TUBA3E: variants seen among roughly 807,000 people sequenced by gnomAD.
TUBA3E encodes tubulin alpha-3E chain.
A neutral mutation model predicts 36.7 loss-of-function variants in TUBA3E; 21 were observed. The observed-to-expected ratio is 0.57, with a 90% confidence interval of 0.41 to 0.83. The LOEUF (loss-of-function observed/expected upper bound fraction) is 0.83, where lower values mean the gene tolerates loss of function less well. Ranked by LOEUF, TUBA3E falls within the 40% of genes least tolerant of loss-of-function variation. The pLI, the probability that TUBA3E is intolerant of heterozygous loss-of-function variation, is 0.00. For missense variants in TUBA3E, 469 were observed against 604.2 expected (o/e 0.78, Z 2.35); for synonymous variants, 177 against 241.9 (o/e 0.73, Z 2.49).
intron 4 of TUBA3E, among the ~76,000 whole-genome samples, chr2:130,193,060 T>G (rs1244017092): frequency 6.7e-6 from 1 of 148,344 alleles, no homozygotes; most frequent in African/African-American, 2.5e-5. Context: ...GCCACTGCAT[T>G]CCAACCTGGA....
At chr2:130,196,558 A>G (rs1186769581) in intron 1 of TUBA3E, among the ~76,000 whole-genome samples, 187 bp from the exon 2 acceptor site, 1 of 152,218 alleles carries the variant, frequency 6.6e-6, no homozygotes, top group Non-Finnish European at 1.5e-5. Context: ...TGTAAACCAT[A>G]CTAGCTAGTA....
rs1690281864 is a variant in TUBA3E, at chr2:130,192,220, T to C, written c.1057-93A>G. On this transcript the variant is annotated intron_variant, in intron 4 of 4. Transcript: ENST00000312988. ...CCTCAAACAGAAGACACCCTGTAGG[T>C]GACACGGAGAATGCTCAGTTCACCT... is the stretch of plus-strand genomic sequence containing the variant. The C allele has an allele frequency of 2.0e-6, 3 of 1,512,204 alleles. No homozygotes were observed. The East Asian group carries it at 6.8e-5, about 35-fold the overall frequency. The allele number at this position is 1,512,204 out of a possible 1,614,324, so 93.7% of individuals were successfully genotyped here.
intron 1 of TUBA3E, among the ~76,000 whole-genome samples, chr2:130,197,323 T>C (rs1690432442): frequency 6.7e-6 from 1 of 148,214 alleles, no homozygotes; most frequent in Admixed American, 6.9e-5. Context: ...CCTGTCCCTA[T>C]GAAAAATTTA....
rs1453668600 is a variant in TUBA3E at position 130,194,468 on chromosome 2, T to G, written c.376-2A>C. ...CTGCAGTCCTGTGCACAGATCCGCC[T>G]GAGAGAAACCAGACAACGTGAGCCA... On this transcript the variant is annotated splice_acceptor_variant, in intron 3 of 4. Transcript: ENST00000312988. LOFTEE classifies it high-confidence loss of function. The G allele has an allele frequency of 6.5e-7, 1 of 1,536,512 alleles. No individual in the cohort carries two copies. The highest frequency in any genetic ancestry group is 1.3e-5 in the South Asian group (1 of 79,192).
intron 4 of TUBA3E, 146 bp downstream of exon 4, chr2:130,193,640 A>G (rs369958484): frequency 2.1e-5 from 21 of 1,000,756 alleles, no homozygotes; most frequent in Admixed American, 8.8e-5. Flanking sequence ...CACTGAATCA[A>G]TTATCAACTC....
rs749780020 is a variant in TUBA3E at position 130,194,054 on chromosome 2, G to T, written c.788C>A (p.Pro263His). 39 of 1,614,214 alleles carry T rather than the reference G, an allele frequency of 2.4e-5. No individual in the cohort carries two copies. The East Asian group carries it at 6.5e-4, about 27-fold the overall frequency. ...GGTGGCCAGGGGGAAGTGGATGCGG[G>T]GGTACGGCACGAGGTTGGTCTGGAA... is the stretch of plus-strand genomic sequence containing the variant. ...TEFQTNLVPY[P>H]RIHFPLATYA... The change falls in exon 4 of 5, where the codon CCC (proline) becomes CAC (histidine). Residue 263 changes from proline to histidine, a missense_variant. Pro to His is a moderately conservative substitution (Grantham distance 77, BLOSUM62 -2). This residue lies in a region of TUBA3E where 296 missense variants were observed against 346.9 expected (regional missense o/e 0.85). Coordinates refer to ENST00000312988, the MANE Select transcript of TUBA3E (RefSeq NM_207312.3).
chr2:130,191,842 C>T lies in TUBA3E; in HGVS notation c.1342G>A (p.Glu448Lys), dbSNP rs751375325. The T allele has an allele frequency of 9.6e-5, 153 of 1,601,328 alleles. No homozygotes were observed. The East Asian group carries it at 3.1e-3, about 33-fold the overall frequency. Reference protein sequence around the residue: ...DSVEAEAEEGEAY With the variant: ...DSVEAEAEEGKAY ...ACCACACCCTCCCCTCAGTATGCTT[C>T]GCCTTCTTCAGCCTCAGCTTCCACG... Residue 448 changes from glutamate to lysine, a missense_variant, in exon 5 of 5, where the codon GAA becomes AAA. Glu to Lys is a moderately conservative substitution (Grantham distance 56). Transcript: ENST00000312988.
intron 4 of TUBA3E, 109 bp downstream of exon 4, chr2:130,193,677 C>CT: frequency 7.1e-7 from 1 of 1,404,222 alleles, no homozygotes; most frequent in South Asian, 1.4e-5. Flanking sequence ...GCCCACATGC[C>CT]TAGCCCATGG....
chr2:130,196,355 A>C lies in TUBA3E; in HGVS notation c.20T>G (p.Ile7Ser), dbSNP rs1232195782. 1 of 1,613,670 alleles carries C rather than the reference A, an allele frequency of 6.2e-7. No individual in the cohort carries two copies. Among genetic ancestry groups the C allele is most frequent in the Non-Finnish European group, 8.5e-7 (1 of 1,179,786 alleles). Residue 7 changes from isoleucine to serine, a missense_variant, in exon 2 of 5, where the codon ATC becomes AGC. Ile to Ser is a moderately radical substitution (Grantham distance 142, BLOSUM62 -2). Around this residue, in one of 3 missense-constraint regions of TUBA3E, gnomAD observed 169 missense variants for 239.0 expected, o/e 0.71. Coordinates refer to ENST00000312988, the MANE Select transcript of TUBA3E (RefSeq NM_207312.3). MRECISIHVGQAGVQIG... is the reference protein window; with the variant it reads MRECISSHVGQAGVQIG... ...CTGGACACCCGCCTGCCCCACGTGG[A>C]TAGAGATACACTCGCGCTGTGAACC...
rs200458018 is a variant in TUBA3E, at chr2:130,197,504, A to G, written c.3+854T>C. ...TTGAGTGCTGTCTCAAAAAAAAAAA[A>G]AAAAGAAAAGAAAAGAAAAAAGAAA... On this transcript the variant is annotated intron_variant, in intron 1 of 4. Transcript: ENST00000312988. Among the ~76,000 whole-genome samples, 12 of 110,048 alleles carry G rather than the reference A, an allele frequency of 1.1e-4. 2 individuals are homozygous for G. The East Asian group carries it at 1.3e-3, about 12-fold the overall frequency. 72.2% of individuals were successfully genotyped at this position (110,048 alleles called of 152,430 possible).
In TUBA3E at chr2:130,194,175, T is replaced by C. The variant is rs1690346542; in HGVS notation, c.667A>G (p.Thr223Ala). Residue 223 changes from threonine (T) to alanine (A), a missense_variant, in exon 4 of 5, where the codon ACG becomes GCG. Thr to Ala is a moderately conservative substitution (Grantham distance 58). Coordinates refer to ENST00000312988, the MANE Select transcript of TUBA3E (RefSeq NM_207312.3). ...ATCAGGCGATTGAGGTTGGTGTACG[T>C]GGGACGTTCAATGTCCAGGTTGCGC... is the stretch of plus-strand genomic sequence containing the variant. ...CRRNLDIERP[T>A]YTNLNRLIGQ... The C allele has an allele frequency of 6.2e-7, 1 of 1,613,540 alleles. No homozygotes were observed. Among genetic ancestry groups the C allele is most frequent in the South Asian group, 1.1e-5 (1 of 91,032 alleles).
In TUBA3E at chr2:130,195,128, G is replaced by C. The variant is rs192490751; in HGVS notation, c.326C>G (p.Thr109Ser). The C allele has an allele frequency of 2.5e-6, 4 of 1,613,324 alleles. No homozygotes were observed. The highest frequency in any genetic ancestry group is 2.5e-6 in the Non-Finnish European group (3 of 1,179,648). The change falls in exon 3 of 5, where the codon ACC becomes AGC. Residue 109 changes from threonine to serine, a missense_variant. This residue lies in a region of TUBA3E where 169 missense variants were observed against 239.0 expected (regional missense o/e 0.71). Transcript: ENST00000312988. The stretch of plus-strand genomic sequence containing the variant: ...TAGGTCAACAATCTCCTTGCCGATG[G>C]TGTAATGGCCCCTGGCGTAATTACT... ...AASNYARGHY[T>S]IGKEIVDLVL...
intron 4 of TUBA3E, among the ~76,000 whole-genome samples, chr2:130,192,419 G>GA (rs1253996411): frequency 2.6e-5 from 4 of 152,156 alleles, no homozygotes; most frequent in Non-Finnish European, 5.9e-5. Context: ...TCTTCCCTCT[G>GA]AAAATGTATG....
chr2:130,197,899 C>T (rs1420798567), intron 1 of TUBA3E, among the ~76,000 whole-genome samples: 2 of 125,262 alleles, frequency 1.6e-5, no homozygotes, highest in African/African-American at 5.6e-5. Flanking sequence ...TGAGCCGCCG[C>T]GCCTGGCCTA....
intron 1 of TUBA3E, among the ~76,000 whole-genome samples, chr2:130,197,928 A>G (rs1690452320): frequency 8.0e-6 from 1 of 124,326 alleles, no homozygotes; most frequent in Non-Finnish European, 1.8e-5. Flanking sequence ...CTTTAGGTGA[A>G]CAAGGCAATG....
At chr2:130,195,462 G>A (rs898318892) in intron 2 of TUBA3E, among the ~76,000 whole-genome samples, 11 of 152,220 alleles carry the variant, frequency 7.2e-5, no homozygotes, top group African/African-American at 2.7e-4. Flanking sequence ...ATGTCAGCAC[G>A]ACCAGTTCCC....
intron 1 of TUBA3E, among the ~76,000 whole-genome samples, 168 bp downstream of exon 1, chr2:130,198,190 G>T (rs534893564): frequency 8.1e-6 from 1 of 123,694 alleles, no homozygotes; most frequent in South Asian, 2.8e-4. Flanking sequence ...CCTGCCCTGG[G>T]ACCTGCAGAT....
At chr2:130,197,291 A>C (rs1690431088) in intron 1 of TUBA3E, among the ~76,000 whole-genome samples, 1 of 151,424 alleles carries the variant, frequency 6.6e-6, no homozygotes, top group African/African-American at 2.4e-5. Flanking sequence ...GTTTGAGACC[A>C]GCCTGGGTAA....
Position 130,195,243 on chromosome 2 carries a change from T to G in TUBA3E, c.227-16A>C. The G allele has an allele frequency of 6.2e-7, 1 of 1,613,166 alleles. No individual in the cohort carries two copies. Among genetic ancestry groups the G allele is most frequent in the Non-Finnish European group, 8.5e-7 (1 of 1,179,468 alleles). ...CGCACTTCATCTGCAAAAGAGACAG[T>G]GTGTACTGTGAATTTTTAAGGCCTG... is the stretch of plus-strand genomic sequence containing the variant. On this transcript the variant is annotated splice_polypyrimidine_tract_variant and intron_variant, in intron 2 of 4. Transcript: ENST00000312988.
Sources: allele counts gnomAD v4.1 joint callset (sites outside exome capture counted in the v4.1 genomes callset), GRCh38; gene constraint gnomAD v4.1.1; regional missense constraint gnomAD v4.1.1; transcripts MANE v1.5; gene names NCBI Gene and HGNC (gene_info 2026-07-23, HGNC 2026-07-21).